The following ZFTA variants were observed in gnomAD, a reference collection of about 807,000 sequenced individuals.
ZFTA encodes zinc finger translocation-associated protein.
A neutral mutation model predicts 41.8 loss-of-function variants in ZFTA; 35 were observed. The observed-to-expected ratio is 0.84, with a 90% confidence interval of 0.64 to 1.11. The LOEUF is 1.11. Ranked by LOEUF, ZFTA falls within the 50% of genes most tolerant of loss-of-function variation. The pLI, the probability that ZFTA is intolerant of heterozygous loss-of-function variation, is 0.00. For missense variants in ZFTA, 964 were observed against 989.8 expected (o/e 0.97, Z 0.35); for synonymous variants, 514 against 436.4 (o/e 1.18, Z -2.22).
intron 1 of ZFTA, among the ~76,000 whole-genome samples, chr11:63,768,264 G>A (rs1398541852): frequency 6.7e-6 from 1 of 149,900 alleles, no homozygotes; most frequent in Non-Finnish European, 1.5e-5. Flanking sequence ...GGCCCTTTAA[G>A]GGGGAGGCGA....
Position 63,765,862 on chromosome 11 carries a change from TTCCTCC to T in ZFTA, c.576_581del (p.Glu199_Glu200del), listed in dbSNP as rs750330160. The T allele has an allele frequency of 1.5e-4, 226 of 1,500,522 alleles. 2 individuals carry two copies. Among genetic ancestry groups the T allele is most frequent in the South Asian group, 6.6e-4 (51 of 77,082 alleles). 93.0% of individuals were successfully genotyped at this position (1,500,522 alleles called of 1,614,324 possible). A position where few individuals can be genotyped will look rare whatever the true frequency, so the allele number is the denominator to read the frequency against. On this transcript the variant is annotated inframe_deletion, in exon 2 of 5. Coordinates refer to ENST00000433688, the MANE Select transcript of ZFTA (RefSeq NM_001144936.2). The surrounding 1 kb of genome is among the most constrained non-coding windows in gnomAD (Gnocchi z 4.0). ...CGGCCCCCTCCTCCTCCTCCTCTTC[TTCCTCC>T]TCCTCCTCCTCCTCAGCCCCCTGGA... is the stretch of plus-strand genomic sequence containing the variant.
At position 63,765,404 on chromosome 11, in the gene ZFTA, A is replaced by C; in HGVS notation, c.638-150T>G. 2.2e-6 allele frequency: 2 copies of C among 912,230 alleles called. No homozygotes were observed. Among genetic ancestry groups the C allele is most frequent in the South Asian group, 2.1e-5 (1 of 47,288 alleles). The allele number at this position is 912,230 out of a possible 1,614,324, so 56.5% of individuals were successfully genotyped here. A position where few individuals can be genotyped will look rare whatever the true frequency, so the allele number is the denominator to read the frequency against. On this transcript the variant is annotated intron_variant, in intron 2 of 4. Coordinates refer to ENST00000433688, the MANE Select transcript of ZFTA (RefSeq NM_001144936.2). This position sits in a 1 kb window ranked among gnomAD's most constrained non-coding sequence, Gnocchi z 4.0. ...CTCTCCTGAAATCCTAACTCCCTAAACCCTCCTCTGCTAGCATTTCAAGCA... is the reference window on the plus strand; with the variant it reads ...CTCTCCTGAAATCCTAACTCCCTAACCCCTCCTCTGCTAGCATTTCAAGCA...
chr11:63,768,653 G>A lies in ZFTA; in HGVS notation c.-31C>T. On this transcript the variant is annotated 5_prime_UTR_variant, in exon 1 of 5. Coordinates refer to ENST00000433688, the MANE Select transcript of ZFTA (RefSeq NM_001144936.2). ...GCGCTGCGGAGCGGGGCCCCGGGGC[G>A]GCGGGGCGCGGGGCCGCGGGGCCGG... is the stretch of plus-strand genomic sequence containing the variant. 1.0e-6 allele frequency: 1 copy of A among 968,392 alleles called. No homozygotes were observed. Among genetic ancestry groups the A allele is most frequent in the Non-Finnish European group, 1.2e-6 (1 of 818,900 alleles). 60.0% of individuals were successfully genotyped at this position (968,392 alleles called of 1,614,324 possible).
chr11:63,765,890 T>C lies in ZFTA; in HGVS notation c.554A>G (p.Gln185Arg). 1 of 1,543,702 alleles carries C rather than the reference T, an allele frequency of 6.5e-7. No homozygotes were observed. The highest frequency in any genetic ancestry group is 8.7e-7 in the Non-Finnish European group (1 of 1,143,440). ...CTCCTCCTCCTCCTCCTCAGCCCCC[T>C]GGACCCCCAGGCCCTCGGCCTCTCC... Reference protein sequence around the residue: ...ACGEAEGLGVQGAEEEEEEEE... With the variant: ...ACGEAEGLGVRGAEEEEEEEE... Residue 185 changes from glutamine to arginine, a missense_variant, in exon 2 of 5, where the codon CAG (glutamine) becomes CGG (arginine). Gln to Arg is a conservative substitution (Grantham distance 43, BLOSUM62 1). Coordinates refer to ENST00000433688, the MANE Select transcript of ZFTA (RefSeq NM_001144936.2). The surrounding 1 kb of genome is among the most constrained non-coding windows in gnomAD (Gnocchi z 4.0).
Position 63,765,158 on chromosome 11 carries a change from G to A in ZFTA, c.734C>T (p.Ala245Val), listed in dbSNP as rs563115773. The change falls in exon 3 of 5, where the codon GCC becomes GTC. Residue 245 changes from alanine (A) to valine (V), a missense_variant. Physicochemically the swap from Ala to Val is moderately conservative, Grantham distance 64. Transcript: ENST00000433688. This position sits in a 1 kb window ranked among gnomAD's most constrained non-coding sequence, Gnocchi z 4.0. ...RRLRLSASRR[A>V]GGSRGLGARR... The stretch of plus-strand genomic sequence containing the variant: ...GGCCCCCAGCCCCCTGCTGCCCCCG[G>A]CCCTCCGGGAGGCTGAGAGGCGCAG... 1 of 1,545,748 alleles carries A rather than the reference G, an allele frequency of 6.5e-7. No individual in the cohort carries two copies. The highest frequency in any genetic ancestry group is 2.5e-5 in the East Asian group (1 of 40,724).
In ZFTA at chr11:63,763,481, C is replaced by A. The variant is rs778422742; in HGVS notation, c.1974G>T (p.Pro658=). 33 of 1,511,526 alleles carry A rather than the reference C, an allele frequency of 2.2e-5. No homozygotes were observed. Among genetic ancestry groups the A allele is most frequent in the Middle Eastern group, 1.8e-4 (1 of 5,706 alleles). 93.6% of individuals were successfully genotyped at this position (1,511,526 alleles called of 1,614,324 possible). The change falls in exon 5 of 5, where the codon CCG becomes CCT. Residue 658 remains proline, a synonymous_variant. Coordinates refer to ENST00000433688, the MANE Select transcript of ZFTA (RefSeq NM_001144936.2). ...CGCCGTCACGCGGCGCCGGGGCGGGCGGCCCGAAGCCCTCGTGGCCGTAGC... is the reference window on the plus strand; with the variant it reads ...CGCCGTCACGCGGCGCCGGGGCGGGAGGCCCGAAGCCCTCGTGGCCGTAGC... ...LRCYGHEGFG[P]PAPAPRDGGA...
rs918269689 is a variant in ZFTA at position 63,764,513 on chromosome 11, G to A, written c.1110C>T (p.Ser370=). The A allele has an allele frequency of 5.6e-6, 7 of 1,257,200 alleles. No individual in the cohort carries two copies. The highest frequency in any genetic ancestry group is 4.2e-5 in the Admixed American group (1 of 23,848). The allele number at this position is 1,257,200 out of a possible 1,614,324, so 77.9% of individuals were successfully genotyped here. ...CAGCCTCTTCCTTTACGTCTGGGGG[G>A]CTGAGATCCTGAGAGGAGGGGGCTC... The part of the protein sequence containing the change: ...AAGAPSSQDL[S]PPDVKEEAGW... Residue 370 remains serine (S), a synonymous_variant, in exon 4 of 5, where the codon AGC becomes AGT. Coordinates refer to ENST00000433688, the MANE Select transcript of ZFTA (RefSeq NM_001144936.2).
chr11:63,767,536 G>C (rs1252921173), intron 1 of ZFTA: 1 of 152,166 alleles, frequency 6.6e-6, no homozygotes, highest in African/African-American at 2.4e-5. Flanking sequence ...CATCCTTCCA[G>C]CGCTGGATCC....
chr11:63,768,347 C>T (rs1395000469), intron 1 of ZFTA, 137 bp downstream of exon 1: 6 of 397,452 alleles, frequency 1.5e-5, no homozygotes, highest in African/African-American at 2.2e-5. Flanking sequence ...AGCCGCGCTC[C>T]GCGCCCACCA....
Position 63,764,897 on chromosome 11 carries a change from G to A in ZFTA, c.995C>T (p.Ala332Val), listed in dbSNP as rs1470383324. The A allele has an allele frequency of 6.6e-7, 1 of 1,524,836 alleles. No individual in the cohort carries two copies. The highest frequency in any genetic ancestry group is 8.8e-7 in the Non-Finnish European group (1 of 1,137,726). 94.5% of individuals were successfully genotyped at this position (1,524,836 alleles called of 1,614,324 possible). A position where few individuals can be genotyped will look rare whatever the true frequency, so the allele number is the denominator to read the frequency against. ...LLQAWGGQPE[A>V]LSELTQSPPG... is the part of the protein sequence containing the mutation. ...TGGGGACTGGGTGAGCTCAGACAGC[G>A]CCTCGGGCTGGCCCCCCCAGGCCTG... is the stretch of plus-strand genomic sequence containing the variant. Residue 332 changes from alanine to valine, a missense_variant, in exon 3 of 5, where the codon GCG becomes GTG. By Grantham distance (64) the Ala-to-Val change is moderately conservative. This residue lies in a region of ZFTA where 584 missense variants were observed against 523.1 expected (regional missense o/e 1.12). Coordinates refer to ENST00000433688, the MANE Select transcript of ZFTA (RefSeq NM_001144936.2).
chr11:63,764,780 C>T, intron 3 of ZFTA, 88 bp downstream of exon 3: 1 of 1,420,048 alleles, frequency 7.0e-7, no homozygotes, highest in South Asian at 1.5e-5. Context: ...CAGCCCTCAG[C>T]CCTAAGTCCC....
chr11:63,765,951 T>G lies in ZFTA; in HGVS notation c.493A>C (p.Asn165His), dbSNP rs2014738437. The part of the protein sequence containing the change: ...WSPREKEVIS[N>H]SWDAHLGLGA... Reference sequence around the variant, plus strand: ...AGCCCCAGGTGTGCATCCCAGCTGTTGCTGATGACTTCCTTCTCCCGGGGA... The same window carrying G: ...AGCCCCAGGTGTGCATCCCAGCTGTGGCTGATGACTTCCTTCTCCCGGGGA... Residue 165 changes from asparagine to histidine, a missense_variant, in exon 2 of 5, where the codon AAC (asparagine) becomes CAC (histidine). Asn to His is a moderately conservative substitution (Grantham distance 68). Coordinates refer to ENST00000433688, the MANE Select transcript of ZFTA (RefSeq NM_001144936.2). This position sits in a 1 kb window ranked among gnomAD's most constrained non-coding sequence, Gnocchi z 4.0. 6.4e-7 allele frequency: 1 copy of G among 1,551,774 alleles called. No homozygotes were observed. Among genetic ancestry groups the G allele is most frequent in the Non-Finnish European group, 8.7e-7 (1 of 1,147,000 alleles).
At chr11:63,766,549 C>CT (rs1265700336) in intron 1 of ZFTA, among the ~76,000 whole-genome samples, 1 of 152,150 alleles carries the variant, frequency 6.6e-6, no homozygotes, top group Non-Finnish European at 1.5e-5. Context: ...GGAAATAGCT[C>CT]TGACTTTTTA....
Position 63,764,159 on chromosome 11 carries a change from CAGCAGG to C in ZFTA, c.1458_1463del (p.His486_Leu488delinsGln). 7.3e-7 allele frequency: 1 copy of C among 1,362,994 alleles called. No homozygotes were observed. The highest frequency in any genetic ancestry group is 9.4e-7 in the Non-Finnish European group (1 of 1,064,992). The allele number at this position is 1,362,994 out of a possible 1,614,324, so 84.4% of individuals were successfully genotyped here. A position where few individuals can be genotyped will look rare whatever the true frequency, so the allele number is the denominator to read the frequency against. On this transcript the variant is annotated inframe_deletion, in exon 4 of 5. Transcript: ENST00000433688. ...ACTCGGGGCGGGGCGGCCCCAGGGC[CAGCAGG>C]TGGGCGGCCTTCTCGCTCCACTCCC...
In ZFTA at chr11:63,765,526, A is replaced by T. The variant is rs2014731226; in HGVS notation, c.638-272T>A. Reference sequence around the variant, plus strand: ...ACCCTCCCCTTCCCTCACCCACCCCAGCCAGGCCTCCCTGCTCCAAGCCTT... The same window carrying T: ...ACCCTCCCCTTCCCTCACCCACCCCTGCCAGGCCTCCCTGCTCCAAGCCTT... On this transcript the variant is annotated intron_variant, in intron 2 of 4. Transcript: ENST00000433688. This position sits in a 1 kb window ranked among gnomAD's most constrained non-coding sequence, Gnocchi z 4.0. Among the ~76,000 whole-genome samples, 1 of 150,684 alleles carries T rather than the reference A, an allele frequency of 6.6e-6. No individual in the cohort carries two copies. Among genetic ancestry groups the T allele is most frequent in the African/African-American group, 2.4e-5 (1 of 40,844 alleles).
chr11:63,768,464 C>G lies in ZFTA; in HGVS notation c.139+20G>C. Reference sequence around the variant, plus strand: ...CCCCACGCCGGGGCCCCCGCCCGGGCCGCCGGCCCCAGCTCTTACCGCCTT... The same window carrying G: ...CCCCACGCCGGGGCCCCCGCCCGGGGCGCCGGCCCCAGCTCTTACCGCCTT... On this transcript the variant is annotated intron_variant, in intron 1 of 4. Transcript: ENST00000433688. 1 of 1,116,212 alleles carries G rather than the reference C, an allele frequency of 9.0e-7. No homozygotes were observed. The highest frequency in any genetic ancestry group is 1.1e-6 in the Non-Finnish European group (1 of 911,362). 69.1% of individuals were successfully genotyped at this position (1,116,212 alleles called of 1,614,324 possible).
chr11:63,760,042 T>C lies in ZFTA; in HGVS notation c.*3376A>G, dbSNP rs552639603. 14 of 152,300 alleles carry C rather than the reference T, an allele frequency of 9.2e-5. No individual in the cohort carries two copies. The highest frequency in any genetic ancestry group is 3.1e-4 in the African/African-American group (13 of 41,548). 9.4% of individuals were successfully genotyped at this position (152,300 alleles called of 1,614,324 possible). A position where few individuals can be genotyped will look rare whatever the true frequency, so the allele number is the denominator to read the frequency against. On this transcript the variant is annotated 3_prime_UTR_variant, in exon 5 of 5. Transcript: ENST00000433688. ...TGGTACTCGTAAGGATTCCCAAGAC[T>C]GCAGAATTTAGTTGTACAGCATAAC...
Position 63,764,404 on chromosome 11 carries a change from G to C in ZFTA, c.1219C>G (p.Arg407Gly). 2 of 1,280,282 alleles carry C rather than the reference G, an allele frequency of 1.6e-6. No individual in the cohort carries two copies. The highest frequency in any genetic ancestry group is 4.2e-5 in the Admixed American group (1 of 23,730). 79.3% of individuals were successfully genotyped at this position (1,280,282 alleles called of 1,614,324 possible). A position where few individuals can be genotyped will look rare whatever the true frequency, so the allele number is the denominator to read the frequency against. Residue 407 changes from arginine (R) to glycine (G), a missense_variant, in exon 4 of 5, where the codon CGG (arginine) becomes GGG (glycine). This residue lies in a region of ZFTA where 584 missense variants were observed against 523.1 expected (regional missense o/e 1.12). Transcript: ENST00000433688. ...GEGERAGVPG[R>G]SPRGRAHRRH... ...CGGTGGGCGCGGCCCCGCGGCGACC[G>C]GCCCGGGACCCCCGCCCTCTCGCCC...
Position 63,763,376 on chromosome 11 carries a change from G to A in ZFTA, c.*42C>T. 8.2e-7 allele frequency: 1 copy of A among 1,214,874 alleles called. No homozygotes were observed. The highest frequency in any genetic ancestry group is 4.2e-5 in the East Asian group (1 of 23,974). The allele number at this position is 1,214,874 out of a possible 1,614,324, so 75.3% of individuals were successfully genotyped here. A position where few individuals can be genotyped will look rare whatever the true frequency, so the allele number is the denominator to read the frequency against. ...GGCGAGCACAGGGCGGGGCGGGGCC[G>A]ATCCGACCCGACCCGACCTGACCCG... On this transcript the variant is annotated 3_prime_UTR_variant, in exon 5 of 5. Coordinates refer to ENST00000433688, the MANE Select transcript of ZFTA (RefSeq NM_001144936.2).
Sources: allele counts gnomAD v4.1 joint callset (sites outside exome capture counted in the v4.1 genomes callset), GRCh38; gene constraint gnomAD v4.1.1; regional missense constraint gnomAD v4.1.1; non-coding constraint Gnocchi (gnomAD v3.1); transcripts MANE v1.5; gene names NCBI Gene and HGNC (gene_info 2026-07-23, HGNC 2026-07-21).